The following CSMD3 variants were observed in gnomAD, a reference collection of about 807,000 sequenced individuals.
CSMD3 encodes CUB and Sushi multiple domains 3.
Under a neutral mutation model 435.2 loss-of-function variants are expected in CSMD3, and 177 were observed. The observed-to-expected ratio is 0.41, with a 90% confidence interval of 0.36 to 0.46. The LOEUF (loss-of-function observed/expected upper bound fraction) is 0.46, where lower values mean the gene tolerates loss of function less well. Ranked by LOEUF, CSMD3 falls within the 20% of genes least tolerant of loss-of-function variation. The pLI, the probability that CSMD3 is intolerant of heterozygous loss-of-function variation, is 0.34. For synonymous variants in CSMD3, 1,656 were observed against 1,520.5 expected, an observed-to-expected ratio of 1.09 and a Z score of -2.07; for missense variants, 4,265 against 4,504.6, an observed-to-expected ratio of 0.95 and a Z score of 1.52.
intron 68 of CSMD3, 105 bp from the exon 69 acceptor site, chr8:112,231,737 GT>G (rs1813106563): frequency 2.5e-6 from 2 of 803,454 alleles, no homozygotes; most frequent in Admixed American, 3.9e-5. Context: ...ATTATCACAA[GT>G]TCCTTTCTTC....
chr8:112,899,687 AC>A, intron 10 of CSMD3, among the ~76,000 whole-genome samples: 1 of 144,272 alleles, frequency 6.9e-6, no homozygotes, highest in Non-Finnish European at 1.5e-5. Flanking sequence ...ACACACACAC[AC>A]ACACGTATAT....
chr8:113,096,504 G>A (rs774204525), intron 5 of CSMD3, among the ~76,000 whole-genome samples: 2 of 151,872 alleles, frequency 1.3e-5, no homozygotes, highest in Non-Finnish European at 1.5e-5. Flanking sequence ...AATAATGTCT[G>A]TTCTTTTAGC....
chr8:112,391,071 G>A (rs778531322), intron 35 of CSMD3, among the ~76,000 whole-genome samples: 3 of 152,012 alleles, frequency 2.0e-5, no homozygotes, highest in Non-Finnish European at 4.4e-5. Flanking sequence ...ACTAAAACAC[G>A]CATTGACTAA....
intron 1 of CSMD3, among the ~76,000 whole-genome samples, chr8:113,315,939 G>T (rs774999360): frequency 1.6e-4 from 25 of 151,766 alleles, no homozygotes; most frequent in Admixed American, 2.6e-4. Context: ...GGCTGCTCTC[G>T]AACTCCTGAC....
chr8:112,652,430 A>G (rs1360583670), intron 18 of CSMD3, among the ~76,000 whole-genome samples: 3 of 152,210 alleles, frequency 2.0e-5, no homozygotes, highest in Non-Finnish European at 4.4e-5. Flanking sequence ...TGGGGGTTGC[A>G]GTGGTCATAT....
intron 34 of CSMD3, among the ~76,000 whole-genome samples, chr8:112,407,256 C>G (rs1021897322): frequency 3.3e-4 from 50 of 151,866 alleles, no homozygotes; most frequent in Non-Finnish European, 4.4e-4. Flanking sequence ...TACATTTGGA[C>G]TAGGTAGAAT....
chr8:113,220,689 T>A (rs1037370956), intron 3 of CSMD3, among the ~76,000 whole-genome samples: 1 of 151,378 alleles, frequency 6.6e-6, no homozygotes, highest in African/African-American at 2.4e-5. Context: ...ATTGGAAATC[T>A]AGGAGCTTTT....
At chr8:113,374,844 AAAACC>A (rs1236510257) in intron 1 of CSMD3, among the ~76,000 whole-genome samples, 2 of 17,830 alleles carry the variant, frequency 1.1e-4, no homozygotes, top group African/African-American at 2.3e-4. Flanking sequence ...AAAAAAAAAA[AAAACC>A]AATAAAATGA....
chr8:113,239,404 C>G (rs1210870438), intron 3 of CSMD3, among the ~76,000 whole-genome samples: 1 of 152,078 alleles, frequency 6.6e-6, no homozygotes, highest in Non-Finnish European at 1.5e-5. Flanking sequence ...AGAACTGCAT[C>G]AGATGAACGT....
intron 3 of CSMD3, among the ~76,000 whole-genome samples, chr8:113,266,583 T>C (rs373554467): frequency 6.6e-6 from 1 of 151,598 alleles, no homozygotes; most frequent in Non-Finnish European, 1.5e-5. Context: ...TCATGTAATT[T>C]TGTAGGGTGA....
At chr8:112,391,054 TTA>T (rs1563882617) in intron 35 of CSMD3, among the ~76,000 whole-genome samples, 1 of 152,156 alleles carries the variant, frequency 6.6e-6, no homozygotes, top group East Asian at 1.9e-4. Flanking sequence ...AGTATTTGTA[TTA>T]TATTACTAAA....
intron 10 of CSMD3, among the ~76,000 whole-genome samples, chr8:112,873,078 G>T (rs1310208898): frequency 6.6e-6 from 1 of 151,958 alleles, no homozygotes; most frequent in Middle Eastern, 3.2e-3. Flanking sequence ...AATTATCCAG[G>T]AAATTAACTG....
chr8:113,334,295 TCA>T (rs139065734), intron 1 of CSMD3, among the ~76,000 whole-genome samples: 2,413 of 129,768 alleles, frequency 0.019, 103 homozygotes, highest in East Asian at 0.078. Context: ...TTTTTTTTTT[TCA>T]TTTCCAGCCT....
intron 69 of CSMD3, 134 bp from the exon 70 acceptor site, chr8:112,229,025 G>T: frequency 1.6e-6 from 1 of 629,960 alleles, no homozygotes; most frequent in Non-Finnish European, 2.7e-6. Flanking sequence ...AATAATTCAT[G>T]AAACTCCTTC....
At chr8:112,483,367 C>T (rs1819813054) in intron 31 of CSMD3, among the ~76,000 whole-genome samples, 1 of 152,032 alleles carries the variant, frequency 6.6e-6, no homozygotes, top group South Asian at 2.1e-4. Context: ...GTGGCAGGTG[C>T]CTATAATCCT....
chr8:113,274,677 T>G (rs974250212), intron 3 of CSMD3, among the ~76,000 whole-genome samples: 2 of 152,098 alleles, frequency 1.3e-5, no homozygotes, highest in Middle Eastern at 6.3e-3. Flanking sequence ...TAAATTGTCT[T>G]GAAAGATCTC....
chr8:112,642,899 T>G (rs1319981367), intron 20 of CSMD3, among the ~76,000 whole-genome samples: 1 of 152,188 alleles, frequency 6.6e-6, no homozygotes, highest in Non-Finnish European at 1.5e-5. Flanking sequence ...GAAAATAATT[T>G]TAGTGTTACA....
intron 27 of CSMD3, among the ~76,000 whole-genome samples, chr8:112,536,657 T>C (rs1438058341): frequency 1.3e-5 from 2 of 151,744 alleles, no homozygotes; most frequent in African/African-American, 4.9e-5. Context: ...GACCCAGCCA[T>C]CCCATTACTG....
intron 3 of CSMD3, among the ~76,000 whole-genome samples, chr8:113,269,866 G>GA (rs1395897373): frequency 6.6e-6 from 1 of 151,804 alleles, no homozygotes; most frequent in Non-Finnish European, 1.5e-5. Flanking sequence ...AACCCTAGAA[G>GA]AAAACCTAGG....
Sources: gnomAD v4.1 joint callset for allele counts (sites outside exome capture counted in the v4.1 genomes callset) on GRCh38, gnomAD v4.1.1 for gene constraint, MANE v1.5 for transcripts, NCBI Gene and HGNC (gene_info 2026-07-23, HGNC 2026-07-21) for gene names.